PCDH15: variants seen among roughly 807,000 people sequenced by gnomAD.
PCDH15 encodes protocadherin-15.
PCDH15 carries 129 observed loss-of-function variants against 178.5 expected under a neutral mutation model. The ratio of observed to expected loss-of-function variants is 0.72; its 90% confidence interval spans 0.63 to 0.84. PCDH15 has a LOEUF of 0.84. Ranked by LOEUF, PCDH15 falls within the 40% of genes least tolerant of loss-of-function variation. The probability of loss-of-function intolerance (pLI) is 0.00; values close to 1 mark genes in which losing one functional copy is unlikely to be tolerated. For missense variants in PCDH15, 2,230 were observed against 2,099.9 expected (o/e 1.06, Z -1.21); for synonymous variants, 800 against 732.0 (o/e 1.09, Z -1.50).
chr10:55,102,665 C>A (rs1223811121), intron 2 of PCDH15, among the ~76,000 whole-genome samples: 1 of 152,058 alleles, frequency 6.6e-6, no homozygotes, highest in Non-Finnish European at 1.5e-5. Context: ...ACAGTTGACA[C>A]TTGAGCAATG....
intron 8 of PCDH15, among the ~76,000 whole-genome samples, chr10:54,303,633 A>T (rs1252115133): frequency 6.6e-6 from 1 of 152,124 alleles, no homozygotes; most frequent in Non-Finnish European, 1.5e-5. Context: ...TGTGTTATTA[A>T]TCAGGTATAC....
chr10:55,159,816 A>G (rs1321220934), intron 2 of PCDH15, among the ~76,000 whole-genome samples: 1 of 149,086 alleles, frequency 6.7e-6, no homozygotes, highest in East Asian at 1.9e-4. Flanking sequence ...TATATAAAAC[A>G]TATATATTAC....
intron 2 of PCDH15, among the ~76,000 whole-genome samples, chr10:55,598,731 C>A (rs902741718): frequency 6.6e-6 from 1 of 151,532 alleles, no homozygotes; most frequent in Non-Finnish European, 1.5e-5. Context: ...TTGAATAAGG[C>A]CATAAGGCAA....
chr10:55,550,393 G>T (rs1247798045), intron 2 of PCDH15, among the ~76,000 whole-genome samples: 3 of 152,088 alleles, frequency 2.0e-5, no homozygotes, highest in Admixed American at 6.6e-5. Flanking sequence ...GACAATAAGA[G>T]ATTTGTGGTT....
rs887909353 is a variant in PCDH15 at position 54,185,265 on chromosome 10, T to C, written c.1309A>G (p.Lys437Glu). The change falls in exon 12 of 38, where the codon AAA (lysine) becomes GAA (glutamate). Residue 437 changes from lysine (K) to glutamate (E), a missense_variant. Coordinates refer to ENST00000644397, the MANE Select transcript of PCDH15 (RefSeq NM_001384140.1). ...VALDKDIEDT[K>E]DPELHLFLND... ...AGAAAAAGGTGAAGCTCTGGGTCTT[T>C]TGTCTTTGAAAAAAAATGACATCGT... 6.2e-7 allele frequency: 1 copy of C among 1,613,550 alleles called. No individual in the cohort carries two copies. Among genetic ancestry groups the C allele is most frequent in the South Asian group, 1.1e-5 (1 of 91,084 alleles).
intron 21 of PCDH15, among the ~76,000 whole-genome samples, chr10:53,977,535 A>G (rs2090286522): frequency 2.0e-5 from 3 of 152,156 alleles, no homozygotes. Context: ...TTATGAGAAA[A>G]ACAGTTCAAG....
intron 1 of PCDH15, among the ~76,000 whole-genome samples, chr10:55,170,317 T>A (rs1050320358): frequency 6.8e-5 from 10 of 147,688 alleles, no homozygotes; most frequent in Non-Finnish European, 1.1e-4. Flanking sequence ...ATTGGCTATT[T>A]AAAAAAAAAA....
chr10:53,942,572 G>A (rs1455491154), intron 23 of PCDH15, among the ~76,000 whole-genome samples: 1 of 152,204 alleles, frequency 6.6e-6, no homozygotes, highest in African/African-American at 2.4e-5. Context: ...ATTTGATGAA[G>A]TAAGCTGCCA....
chr10:54,121,693 GA>G (rs2095222166), intron 15 of PCDH15, among the ~76,000 whole-genome samples: 1 of 152,012 alleles, frequency 6.6e-6, no homozygotes, highest in Non-Finnish European at 1.5e-5. Flanking sequence ...ACACATACTA[GA>G]AAATCTAGAG....
intron 1 of PCDH15, among the ~76,000 whole-genome samples, chr10:55,188,396 G>C (rs1165537684): frequency 6.6e-6 from 1 of 151,460 alleles, no homozygotes; most frequent in Non-Finnish European, 1.5e-5. Context: ...TTTCCATTTT[G>C]ATCATCAGTT....
intron 2 of PCDH15, among the ~76,000 whole-genome samples, chr10:55,430,855 G>A (rs555800884): frequency 1.3e-5 from 2 of 152,168 alleles, no homozygotes; most frequent in East Asian, 3.9e-4. Context: ...AGGAATTCAC[G>A]ACTACCCAGT....
At chr10:53,959,894 T>A (rs1564864148) in intron 22 of PCDH15, 50 bp from the exon 23 acceptor site, 1 of 1,331,996 alleles carries the variant, frequency 7.5e-7, no homozygotes, top group African/African-American at 1.4e-5. Context: ...AAGAACAGCG[T>A]AACAGCACAA....
Position 54,185,204 on chromosome 10 carries a change from G to A in PCDH15, c.1370C>T (p.Thr457Ile). The change falls in exon 12 of 38, where the codon ACT (threonine) becomes ATT (isoleucine). Residue 457 changes from threonine to isoleucine, a missense_variant. Coordinates refer to ENST00000644397, the MANE Select transcript of PCDH15 (RefSeq NM_001384140.1). ...DYTSVFTVTQ[T>I]GITRYLTLLQ... ...TAAGGTGAGGTAGCGAGTAATACCAGTCTGTGTGACGGTGAAGACTGAGGT... is the reference window on the plus strand; with the variant it reads ...TAAGGTGAGGTAGCGAGTAATACCAATCTGTGTGACGGTGAAGACTGAGGT... 1 of 1,613,648 alleles carries A rather than the reference G, an allele frequency of 6.2e-7. No homozygotes were observed. Among genetic ancestry groups the A allele is most frequent in the Non-Finnish European group, 8.5e-7 (1 of 1,179,684 alleles).
intron 30 of PCDH15, among the ~76,000 whole-genome samples, chr10:53,830,445 T>A (rs748454441): frequency 4.6e-5 from 7 of 152,232 alleles, no homozygotes; most frequent in Non-Finnish European, 8.8e-5. Context: ...ATTATTACTG[T>A]CTGCTATTTA....
chr10:54,987,775 G>A (rs1839408339), intron 2 of PCDH15, among the ~76,000 whole-genome samples: 1 of 150,850 alleles, frequency 6.6e-6, no homozygotes, highest in African/African-American at 2.4e-5. Flanking sequence ...TTTTCACCTG[G>A]GTAGATTGCA....
At chr10:54,029,870 C>G (rs1040568505) in intron 18 of PCDH15, among the ~76,000 whole-genome samples, 1 of 151,978 alleles carries the variant, frequency 6.6e-6, no homozygotes. Flanking sequence ...GGTTACCAGT[C>G]CTGTAGAGAA....
Position 53,938,923 on chromosome 10 carries a change from TA to T in PCDH15, c.3264del (p.Ile1089SerfsTer3). ...DTFGINNITGVIYVNGPLDYE... is the reference protein window; with the variant it reads ...DTFGINNITGXIYVNGPLDYE... ...TAATCCAGAGGTCCATTCACATAGA[TA>T]ACACCTGTGATGTTATTAATTCCAA... On this transcript the variant is annotated frameshift_variant, in exon 25 of 38. Coordinates refer to ENST00000644397, the MANE Select transcript of PCDH15 (RefSeq NM_001384140.1). LOFTEE classifies it high-confidence loss of function. The T allele has an allele frequency of 6.2e-7, 1 of 1,613,188 alleles. No homozygotes were observed. The highest frequency in any genetic ancestry group is 1.3e-5 in the African/African-American group (1 of 75,020).
intron 2 of PCDH15, among the ~76,000 whole-genome samples, chr10:55,350,431 C>G (rs1246338665): frequency 6.6e-6 from 1 of 151,056 alleles, no homozygotes; most frequent in Non-Finnish European, 1.5e-5. Flanking sequence ...TTTTCTTAAC[C>G]TCCTCTTCTA....
intron 3 of PCDH15, among the ~76,000 whole-genome samples, chr10:54,873,773 T>TTG (rs1211344174): frequency 2.3e-4 from 34 of 145,340 alleles, no homozygotes; most frequent in African/African-American, 5.7e-4. Flanking sequence ...TGTGTGTGTG[T>TTG]TGTGTGTGTG....
Sources: allele counts gnomAD v4.1 joint callset (sites outside exome capture counted in the v4.1 genomes callset), GRCh38; gene constraint gnomAD v4.1.1; transcripts MANE v1.5; gene names NCBI Gene and HGNC (gene_info 2026-07-23, HGNC 2026-07-21).